Variants in SMIM27 observed in about 807,000 individuals in gnomAD.
SMIM27 encodes TOPORS antisense RNA 1 (non-protein coding).
SMIM27 carries 3 observed loss-of-function variants against 1.8 expected under a neutral mutation model. The ratio of observed to expected loss-of-function variants is 1.65; its 90% CI spans 0.75 to 4.28. The LOEUF (loss-of-function observed/expected upper bound fraction) is 4.28. Among genes scored for constraint, SMIM27 ranks in the 30% most tolerant of loss-of-function variants. SMIM27 has a pLI of 0.02. For synonymous variants in SMIM27, 19 were observed against 13.9 expected, an observed-to-expected ratio of 1.37 and a Z score of -0.82; for missense variants, 63 against 37.0, an observed-to-expected ratio of 1.70 and a Z score of -1.83.
At position 32,561,288 on chromosome 9, in the gene SMIM27, A is replaced by C. The variant is rs370261659; in HGVS notation, c.46-5103A>C. Among the ~76,000 whole-genome samples, 6 of 152,012 alleles carry C rather than the reference A, an allele frequency of 3.9e-5. No homozygotes were observed. The East Asian group carries it at 5.8e-4, about 15-fold the overall frequency. On this transcript the variant is annotated intron_variant, in intron 1 of 1. Transcript: ENST00000451672. ...GCCATGTCCACTTGGACATCTCCAA[A>C]ACTGCCATGGCAGCACACGCTCCTA...
chr9:32,561,330 C>CT (rs58946235), intron 1 of SMIM27, among the ~76,000 whole-genome samples: 2,563 of 144,810 alleles, frequency 0.018, 72 homozygotes, highest in African/African-American at 0.057. Flanking sequence ...TCACTATTTT[C>CT]TTTTTTTTTT....
At chr9:32,554,491 G>A (rs1480490732), downstream of SMIM27, among the ~76,000 whole-genome samples, 1 of 152,174 alleles carries the variant, frequency 6.6e-6, no homozygotes, top group Non-Finnish European at 1.5e-5. Flanking sequence ...AACCTCCACT[G>A]ACAAGCTGTA....
chr9:32,566,749 C>A, exon 2 of SMIM27: 1 of 921,436 alleles, frequency 1.1e-6, no homozygotes. Context: ...CACAGCGGGT[C>A]CTCAGCCCGG....
chr9:32,560,518 A>G (rs527457221), intron 1 of SMIM27, among the ~76,000 whole-genome samples: 10 of 152,392 alleles, frequency 6.6e-5, no homozygotes, highest in Non-Finnish European at 1.3e-4. Context: ...CATTCTGTTG[A>G]TCAGAGTTTG....
At chr9:32,566,146 T>C (rs377101891) in intron 1 of SMIM27, 1 of 680,648 alleles carries the variant, frequency 1.5e-6, no homozygotes, top group Middle Eastern at 2.6e-4. Flanking sequence ...GGTGTGTATA[T>C]GTCACTGGCG....
At chr9:32,560,562 T>C (rs1248714076) in intron 1 of SMIM27, among the ~76,000 whole-genome samples, 1 of 152,230 alleles carries the variant, frequency 6.6e-6, no homozygotes, top group Non-Finnish European at 1.5e-5. Context: ...ACAGAGGTTT[T>C]AAAAAATTAG....
In SMIM27 at chr9:32,552,938, A is replaced by C. The variant is rs1216146276; in HGVS notation, c.*15A>C. The C allele has an allele frequency of 1.4e-6, 1 of 698,110 alleles. No individual in the cohort carries two copies. Among genetic ancestry groups the C allele is most frequent in the East Asian group, 2.7e-5 (1 of 37,240 alleles). The allele number at this position is 698,110 out of a possible 1,614,324, so 43.2% of individuals were successfully genotyped here. A position where few individuals can be genotyped will look rare whatever the true frequency, so the allele number is the denominator to read the frequency against. On this transcript the variant is annotated 3_prime_UTR_variant, in exon 2 of 2. Coordinates refer to ENST00000692500, the MANE Select transcript of SMIM27 (RefSeq NM_001387564.1). ...AAAATTTGTAACTCTTCTGGATTTA[A>C]TTATCTGAAAATACAGTTCTTTCCC...
chr9:32,555,376 C>A (rs1374602028), downstream of SMIM27, among the ~76,000 whole-genome samples: 1 of 152,190 alleles, frequency 6.6e-6, no homozygotes, highest in Admixed American at 6.5e-5. Context: ...GGGACACAGC[C>A]CTATGGCAAA....
At chr9:32,561,584 C>G (rs1034091713) in intron 1 of SMIM27, among the ~76,000 whole-genome samples, 28 of 152,136 alleles carry the variant, frequency 1.8e-4, no homozygotes, top group Non-Finnish European at 2.6e-4. Flanking sequence ...CCGCCTCAGC[C>G]TCCCAAAGTG....
At chr9:32,552,263 GCC>G (rs771741214), upstream of SMIM27, 23 of 853,092 alleles carry the variant, frequency 2.7e-5, no homozygotes, top group South Asian at 3.3e-4. Context: ...ACGTGATACC[GCC>G]CCCCAACTCC....
At chr9:32,553,636 CA>C, downstream of SMIM27, 1 of 459,650 alleles carries the variant, frequency 2.2e-6, no homozygotes, top group South Asian at 2.7e-5. Flanking sequence ...AATACTTTTC[CA>C]TACCGTTTTC....
rs751685556 is a variant in SMIM27, at chr9:32,558,892, A to G, written c.45+6413A>G. ...AAAAACAATAAACAAAAGAAAAATC[A>G]GAAGTGTTAAGACTTACAGGGAATA... On this transcript the variant is annotated intron_variant, in intron 1 of 1. Transcript: ENST00000451672. 6.0e-6 allele frequency: 9 copies of G among 1,493,056 alleles called. No homozygotes were observed. In the East Asian group the frequency reaches 1.8e-4, roughly 30 times the overall value. The allele number at this position is 1,493,056 out of a possible 1,614,324, so 92.5% of individuals were successfully genotyped here.
downstream of SMIM27, among the ~76,000 whole-genome samples, chr9:32,556,846 C>CTTTT (rs10703297): frequency 2.8e-4 from 23 of 82,338 alleles, 2 homozygotes; most frequent in African/African-American, 6.0e-4. Context: ...AAATCCCCTA[C>CTTTT]TTTTTTTTTT....
chr9:32,552,128 C>T (rs1357638284), upstream of SMIM27: 5 of 563,784 alleles, frequency 8.9e-6, no homozygotes, highest in Middle Eastern at 2.8e-4. Flanking sequence ...TATTGCATTG[C>T]AACTAGAAAG....
downstream of SMIM27, chr9:32,553,594 G>T: frequency 2.7e-6 from 1 of 369,612 alleles, no homozygotes; most frequent in South Asian, 2.8e-5. Flanking sequence ...TGTAAGTACT[G>T]TGTAAGAAAA....
At chr9:32,551,598 G>C (rs1194101501), upstream of SMIM27, 1 of 248,568 alleles carries the variant, frequency 4.0e-6, no homozygotes, top group Admixed American at 4.2e-5. Flanking sequence ...ATAACTGCGA[G>C]GTATAAAGAA....
At chr9:32,558,352 C>T (rs907306838) in intron 1 of SMIM27, among the ~76,000 whole-genome samples, 19 of 152,162 alleles carry the variant, frequency 1.2e-4, no homozygotes, top group African/African-American at 3.9e-4. Flanking sequence ...ACCTCACGAT[C>T]CACCCATCTT....
chr9:32,561,706 T>A (rs10971024), intron 1 of SMIM27, among the ~76,000 whole-genome samples: 26,416 of 152,034 alleles, frequency 0.17, 2,393 homozygotes, highest in Middle Eastern at 0.3. Flanking sequence ...GGCTAGAGAT[T>A]TTGCAGTCAT....
intron 1 of SMIM27, among the ~76,000 whole-genome samples, chr9:32,562,938 A>C (rs1416599085): frequency 6.6e-6 from 1 of 152,234 alleles, no homozygotes; most frequent in African/African-American, 2.4e-5. Context: ...TAGTTGGCAT[A>C]TCTCTTTATT....
Sources: allele counts gnomAD v4.1 joint callset (sites outside exome capture counted in the v4.1 genomes callset), GRCh38; gene constraint gnomAD v4.1.1; transcripts MANE v1.5; gene names NCBI Gene and HGNC (gene_info 2026-07-23, HGNC 2026-07-21).